Variants in IMMP2L observed in about 807,000 individuals in gnomAD.
IMMP2L encodes the protein inner mitochondrial membrane peptidase subunit 2.
A neutral mutation model predicts 19.3 loss-of-function variants in IMMP2L; 18 were observed. The observed-to-expected ratio is 0.93, with a 90% CI of 0.64 to 1.38. IMMP2L has a LOEUF of 1.38. Ranked by LOEUF, IMMP2L falls within the 40% of genes most tolerant of loss-of-function variation. The pLI, the probability that IMMP2L is intolerant of heterozygous loss-of-function variation, is 0.00. For missense variants in IMMP2L, 233 were observed against 218.2 expected, an observed-to-expected ratio of 1.07 and a Z score of -0.43; for synonymous variants, 76 against 73.0, an observed-to-expected ratio of 1.04 and a Z score of -0.21.
At chr7:110,685,091 T>C (rs1196801253) in intron 5 of IMMP2L, among the ~76,000 whole-genome samples, 1 of 152,016 alleles carries the variant, frequency 6.6e-6, no homozygotes, top group Non-Finnish European at 1.5e-5. Flanking sequence ...CTCAAACTAA[T>C]CCATCGGTCA....
At chr7:111,558,306 T>C (rs1231788043) in intron 1 of IMMP2L, among the ~76,000 whole-genome samples, 2 of 152,212 alleles carry the variant, frequency 1.3e-5, no homozygotes, top group Non-Finnish European at 2.9e-5. Flanking sequence ...CCATGGGTAG[T>C]TCCCCTCCAA....
intron 3 of IMMP2L, among the ~76,000 whole-genome samples, chr7:111,226,456 C>T (rs902286210): frequency 2.0e-5 from 3 of 152,078 alleles, no homozygotes; most frequent in African/African-American, 7.2e-5. Flanking sequence ...ATGTGAGCCA[C>T]CATGCCTGGC....
intron 3 of IMMP2L, among the ~76,000 whole-genome samples, chr7:111,224,733 A>G (rs768794773): frequency 1.3e-5 from 2 of 152,002 alleles, no homozygotes; most frequent in African/African-American, 2.4e-5. Flanking sequence ...ACCCTTTTTG[A>G]TATGTTAATA....
At chr7:111,115,725 T>C (rs946439399) in intron 3 of IMMP2L, among the ~76,000 whole-genome samples, 3 of 152,152 alleles carry the variant, frequency 2.0e-5, no homozygotes, top group Admixed American at 6.6e-5. Flanking sequence ...AGAGTGCAGC[T>C]GGCACCATCT....
At chr7:110,999,562 A>G (rs1266375417) in intron 3 of IMMP2L, among the ~76,000 whole-genome samples, 1 of 149,908 alleles carries the variant, frequency 6.7e-6, no homozygotes, top group Non-Finnish European at 1.5e-5. Flanking sequence ...TTCTTGTTTT[A>G]TGGATACAAT....
intron 5 of IMMP2L, among the ~76,000 whole-genome samples, chr7:110,786,990 G>T (rs1485616954): frequency 1.3e-5 from 2 of 151,836 alleles, no homozygotes; most frequent in African/African-American, 4.8e-5. Context: ...CCACACAATA[G>T]TATTCTTTTC....
chr7:111,285,368 C>G (rs550188797), intron 3 of IMMP2L, among the ~76,000 whole-genome samples: 51 of 152,138 alleles, frequency 3.4e-4, no homozygotes, highest in Admixed American at 1.2e-3. Flanking sequence ...TGGGAAAGAC[C>G]TGATTGAACA....
At chr7:110,887,086 C>A (rs545502564) in intron 4 of IMMP2L, among the ~76,000 whole-genome samples, 1 of 152,146 alleles carries the variant, frequency 6.6e-6, no homozygotes, top group African/African-American at 2.4e-5. Context: ...GATTCATGCA[C>A]AACTACAGTC....
At chr7:111,502,067 G>A (rs1844332638) in intron 2 of IMMP2L, among the ~76,000 whole-genome samples, 1 of 152,170 alleles carries the variant, frequency 6.6e-6, no homozygotes, top group Non-Finnish European at 1.5e-5. Flanking sequence ...GCTGTATTCA[G>A]GAAACCCATC....
chr7:111,525,332 G>A (rs958754133), intron 1 of IMMP2L, among the ~76,000 whole-genome samples: 2 of 152,118 alleles, frequency 1.3e-5, no homozygotes, highest in African/African-American at 4.8e-5. Context: ...GGAAGTGGAA[G>A]AGCACAGTGG....
chr7:111,251,662 G>A (rs117842340), intron 3 of IMMP2L, among the ~76,000 whole-genome samples: 6,643 of 152,140 alleles, frequency 0.044, 224 homozygotes, highest in South Asian at 0.083. Context: ...CAAACACCAC[G>A]TGTTCTTATT....
At chr7:110,680,250 G>A (rs779203331) in intron 5 of IMMP2L, among the ~76,000 whole-genome samples, 3 of 152,146 alleles carry the variant, frequency 2.0e-5, no homozygotes, top group South Asian at 2.1e-4. Flanking sequence ...TTTCTCAACC[G>A]TGTTTTTCAT....
intron 3 of IMMP2L, among the ~76,000 whole-genome samples, chr7:111,427,178 T>C (rs1234220071): frequency 6.9e-6 from 1 of 145,014 alleles, no homozygotes; most frequent in Non-Finnish European, 1.6e-5. Flanking sequence ...AGGATAGAAA[T>C]ATCAGTGGAC....
chr7:110,944,592 C>T (rs912132449), intron 4 of IMMP2L, among the ~76,000 whole-genome samples: 1 of 151,952 alleles, frequency 6.6e-6, no homozygotes, highest in African/African-American at 2.4e-5. Context: ...TCCTGACCCT[C>T]CAGTTCCTTC....
intron 5 of IMMP2L, among the ~76,000 whole-genome samples, chr7:110,704,475 C>G (rs937307289): frequency 1.3e-5 from 2 of 152,206 alleles, no homozygotes; most frequent in Non-Finnish European, 2.9e-5. Flanking sequence ...TGCTGAGACT[C>G]TATCGTAACC....
chr7:111,404,324 G>A (rs1833728042), intron 3 of IMMP2L, among the ~76,000 whole-genome samples: 2 of 152,148 alleles, frequency 1.3e-5, no homozygotes, highest in African/African-American at 4.8e-5. Flanking sequence ...TTTCCCAGCT[G>A]TCACTGTAAT....
intron 5 of IMMP2L, among the ~76,000 whole-genome samples, chr7:110,685,408 A>G (rs1793043679): frequency 6.6e-6 from 1 of 152,202 alleles, no homozygotes; most frequent in South Asian, 2.1e-4. Flanking sequence ...GTGCTCTGCT[A>G]CATACTAACT....
At chr7:110,753,260 A>G (rs1010122365) in intron 5 of IMMP2L, among the ~76,000 whole-genome samples, 9 of 152,044 alleles carry the variant, frequency 5.9e-5, no homozygotes, top group African/African-American at 2.2e-4. Context: ...CTACCTACTT[A>G]AATAGAAGAC....
intron 2 of IMMP2L, among the ~76,000 whole-genome samples, chr7:111,516,347 A>G: frequency 6.6e-6 from 1 of 151,732 alleles, no homozygotes; most frequent in African/African-American, 2.4e-5. Context: ...GCATAAATAC[A>G]GAGGGAGAGG....
Sources: gnomAD v4.1 joint callset for allele counts (sites outside exome capture counted in the v4.1 genomes callset) on GRCh38, gnomAD v4.1.1 for gene constraint, MANE v1.5 for transcripts, NCBI Gene and HGNC (gene_info 2026-07-23, HGNC 2026-07-21) for gene names.